THAP10: variants seen among roughly 807,000 people sequenced by gnomAD.
The protein encoded by THAP10 is THAP domain containing 10, also known as THAP domain-containing protein 10.
THAP10 carries 10 observed loss-of-function variants against 15.7 expected under a neutral mutation model. The ratio of observed to expected loss-of-function variants is 0.64; its 90% CI spans 0.39 to 1.08. THAP10 has a LOEUF of 1.08. Ranked by LOEUF, THAP10 falls within the 50% of genes least tolerant of loss-of-function variation. The probability of loss-of-function intolerance (pLI) is 0.01; values close to 1 mark genes in which losing one functional copy is unlikely to be tolerated. For synonymous variants in THAP10, 127 were observed against 129.1 expected (o/e 0.98, Z 0.11); for missense variants, 310 against 330.9 (o/e 0.94, Z 0.49).
chr15:70,888,889 A>G (rs1486051533), intron 1 of THAP10, among the ~76,000 whole-genome samples: 1 of 152,214 alleles, frequency 6.6e-6, no homozygotes, highest in Non-Finnish European at 1.5e-5. Flanking sequence ...TCGGGGGATG[A>G]AAAGCAAAAA....
At chr15:70,888,733 G>C (rs1367770101) in intron 1 of THAP10, among the ~76,000 whole-genome samples, 1 of 152,108 alleles carries the variant, frequency 6.6e-6, no homozygotes, top group African/African-American at 2.4e-5. Context: ...CTTCCAGGTA[G>C]AATCTATTAA....
intron 1 of THAP10, among the ~76,000 whole-genome samples, chr15:70,890,471 A>C (rs1194768517): frequency 1.3e-5 from 2 of 152,218 alleles, no homozygotes; most frequent in African/African-American, 4.8e-5. Flanking sequence ...AATTTGTAAA[A>C]TATTGTTTTA....
At chr15:70,889,283 A>G (rs2033490351) in intron 1 of THAP10, among the ~76,000 whole-genome samples, 1 of 152,224 alleles carries the variant, frequency 6.6e-6, no homozygotes, top group African/African-American at 2.4e-5. Flanking sequence ...ATATGGATGA[A>G]TCTCAAAAAT....
intron 1 of THAP10, among the ~76,000 whole-genome samples, chr15:70,888,838 T>G (rs1595983285): frequency 6.6e-6 from 1 of 152,140 alleles, no homozygotes; most frequent in African/African-American, 2.4e-5. Flanking sequence ...AATATCCAAT[T>G]AATATTTGAA....
rs1275049852 is a variant in THAP10, at chr15:70,891,895, A to T, written c.378T>A (p.Gly126=). 1.2e-6 allele frequency: 2 copies of T among 1,612,714 alleles called. No individual in the cohort carries two copies. The highest frequency in any genetic ancestry group is 1.7e-6 in the Non-Finnish European group (2 of 1,179,754). ...QAARHSEAAP[G]PVSCTRPRAG... Reference sequence around the variant, plus strand: ...CTCGGGGGCGTGTACAGGAGACTGGACCTGGGGCAGCCTCAGAATGCCTGG... The same window carrying T: ...CTCGGGGGCGTGTACAGGAGACTGGTCCTGGGGCAGCCTCAGAATGCCTGG... The change falls in exon 1 of 3, where the codon GGT becomes GGA. Residue 126 remains glycine, a synonymous_variant. Coordinates refer to ENST00000249861, the MANE Select transcript of THAP10 (RefSeq NM_020147.4).
chr15:70,887,079 A>G (rs1029346018), intron 1 of THAP10, among the ~76,000 whole-genome samples: 1 of 152,186 alleles, frequency 6.6e-6, no homozygotes, highest in African/African-American at 2.4e-5. Context: ...ATCAAAATGG[A>G]TAAACAAAAG....
intron 1 of THAP10, among the ~76,000 whole-genome samples, 193 bp downstream of exon 1, chr15:70,891,651 A>C (rs1468425156): frequency 6.7e-6 from 1 of 149,494 alleles, no homozygotes; most frequent in Non-Finnish European, 1.5e-5. Flanking sequence ...AGAAGGAATT[A>C]ACTGGGTCAC....
At chr15:70,883,358 A>AT (rs2033317779) in intron 1 of THAP10, among the ~76,000 whole-genome samples, 1 of 151,734 alleles carries the variant, frequency 6.6e-6, no homozygotes, top group Non-Finnish European at 1.5e-5. Context: ...CGCCCAGCTA[A>AT]TTTTTTTGTA....
At chr15:70,889,457 GTTTC>G (rs914454472) in intron 1 of THAP10, among the ~76,000 whole-genome samples, 39 of 152,168 alleles carry the variant, frequency 2.6e-4, no homozygotes, top group Middle Eastern at 3.4e-3. Flanking sequence ...GCAATGTTCT[GTTTC>G]TTTGACTTGG....
chr15:70,885,750 A>G (rs1349257389), intron 1 of THAP10, among the ~76,000 whole-genome samples: 1 of 152,230 alleles, frequency 6.6e-6, no homozygotes, highest in Non-Finnish European at 1.5e-5. Flanking sequence ...GAAGATTAAT[A>G]TGTAAATTCA....
In THAP10 at chr15:70,882,158, G is replaced by T; in HGVS notation, c.*296C>A. On this transcript the variant is annotated 3_prime_UTR_variant, in exon 3 of 3. Transcript: ENST00000249861. ...AACTAAGCTTAAACAAATATTCAAT[G>T]CTTAATTTTGATTAGGAAGTGTTGC... 1 of 272,640 alleles carries T rather than the reference G, an allele frequency of 3.7e-6. No homozygotes were observed. The highest frequency in any genetic ancestry group is 7.6e-5 in the East Asian group (1 of 13,160). 16.9% of individuals were successfully genotyped at this position (272,640 alleles called of 1,614,324 possible).
chr15:70,891,567 CTGTGTGTGTGTGTGTG>C (rs3220843), intron 1 of THAP10, among the ~76,000 whole-genome samples: 11,507 of 137,100 alleles, frequency 0.084, 502 homozygotes, highest in East Asian at 0.15. Context: ...GGACAAGACT[CTGTGTGTGTGTGTGTG>C]TGTGTGTGTG....
At chr15:70,884,543 G>GAA (rs1346347850) in intron 1 of THAP10, among the ~76,000 whole-genome samples, 2 of 135,932 alleles carry the variant, frequency 1.5e-5, no homozygotes, top group Non-Finnish European at 3.2e-5. Context: ...TATACACACA[G>GAA]AAAAAAAAAA....
Position 70,881,346 on chromosome 15 carries a change from A to G in THAP10, c.*1108T>C, listed in dbSNP as rs1465801833. Reference sequence around the variant, plus strand: ...ATCATTGTTCAGGCTCACAACTCCTATTAATATTTTATTTTATTTTCCTTA... The same window carrying G: ...ATCATTGTTCAGGCTCACAACTCCTGTTAATATTTTATTTTATTTTCCTTA... On this transcript the variant is annotated 3_prime_UTR_variant, in exon 3 of 3. Coordinates refer to ENST00000249861, the MANE Select transcript of THAP10 (RefSeq NM_020147.4). 1 of 152,240 alleles carries G rather than the reference A, an allele frequency of 6.6e-6. No individual in the cohort carries two copies. The highest frequency in any genetic ancestry group is 1.5e-5 in the Non-Finnish European group (1 of 68,036). 9.4% of individuals were successfully genotyped at this position (152,240 alleles called of 1,614,324 possible). A position where few individuals can be genotyped will look rare whatever the true frequency, so the allele number is the denominator to read the frequency against.
intron 1 of THAP10, among the ~76,000 whole-genome samples, chr15:70,890,005 A>G (rs927512554): frequency 6.6e-6 from 1 of 152,234 alleles, no homozygotes; most frequent in Non-Finnish European, 1.5e-5. Flanking sequence ...TTCAGCAAGT[A>G]TATTAATGTA....
chr15:70,885,926 G>C (rs1466177773), intron 1 of THAP10, among the ~76,000 whole-genome samples: 3 of 152,062 alleles, frequency 2.0e-5, no homozygotes, highest in Non-Finnish European at 4.4e-5. Context: ...AAACTATTTT[G>C]AGCATGTTAC....
Position 70,891,834 on chromosome 15 carries a change from C to G in THAP10, c.429+10G>C, listed in dbSNP as rs1334222293. 2 of 1,552,196 alleles carry G rather than the reference C, an allele frequency of 1.3e-6. No individual in the cohort carries two copies. The highest frequency in any genetic ancestry group is 1.7e-6 in the Non-Finnish European group (2 of 1,152,576). Reference sequence around the variant, plus strand: ...GGGTCCTTACACAACCTTCGGTGGTCTCTCTTTACCTGTGAAGCTGCAGCC... The same window carrying G: ...GGGTCCTTACACAACCTTCGGTGGTGTCTCTTTACCTGTGAAGCTGCAGCC... On this transcript the variant is annotated intron_variant, in intron 1 of 2. Coordinates refer to ENST00000249861, the MANE Select transcript of THAP10 (RefSeq NM_020147.4).
At chr15:70,891,678 AATG>A (rs2033576868) in intron 1 of THAP10, among the ~76,000 whole-genome samples, 163 bp downstream of exon 1, 1 of 151,180 alleles carries the variant, frequency 6.6e-6, no homozygotes, top group Admixed American at 6.6e-5. Flanking sequence ...CCAAAGTGTT[AATG>A]ATAAGTGGGA....
In THAP10 at chr15:70,883,819, TA is replaced by T. The variant is rs571004040; in HGVS notation, c.430-912del. On this transcript the variant is annotated intron_variant, in intron 1 of 2. Coordinates refer to ENST00000249861, the MANE Select transcript of THAP10 (RefSeq NM_020147.4). Reference sequence around the variant, plus strand: ...ACAGGTGCCTGCCACCATGCCTGGCTAATTTTTTGTATTTTTAGTAGAGACA... The same window carrying T: ...ACAGGTGCCTGCCACCATGCCTGGCTATTTTTTGTATTTTTAGTAGAGACA... Among the ~76,000 whole-genome samples, 364 of 151,720 alleles carry T rather than the reference TA, an allele frequency of 2.4e-3. 1 individual carries two copies. Among genetic ancestry groups the T allele is most frequent in the Middle Eastern group, 0.01 (3 of 294 alleles).
Sources: allele counts gnomAD v4.1 joint callset (sites outside exome capture counted in the v4.1 genomes callset), GRCh38; gene constraint gnomAD v4.1.1; transcripts MANE v1.5; gene names NCBI Gene and HGNC (gene_info 2026-07-23, HGNC 2026-07-21).